Variants in EVI5L observed in about 807,000 individuals in gnomAD.
The protein encoded by EVI5L is EVI5-like protein.
In EVI5L, 30 loss-of-function variants were observed where a neutral mutation model predicts 106.1. That is an observed-to-expected ratio of 0.28 (90% CI 0.21 to 0.38). The LOEUF (loss-of-function observed/expected upper bound fraction) is 0.38. Ranked by LOEUF, EVI5L falls within the 10% of genes least tolerant of loss-of-function variation. EVI5L has a pLI of 1.00. For missense variants in EVI5L, 809 were observed against 1,098.0 expected (o/e 0.74, Z 3.72); for synonymous variants, 489 against 483.3 (o/e 1.01, Z -0.15).
chr19:7,857,173 C>G lies in EVI5L; in HGVS notation c.1233+49C>G, dbSNP rs916985282. On this transcript the variant is annotated intron_variant, in intron 12 of 19. Transcript: ENST00000538904. This position sits in a 1 kb window ranked among gnomAD's most constrained non-coding sequence, Gnocchi z 4.5. Reference sequence around the variant, plus strand: ...TCCGGATTCCTTCCTGGCCCCTTCCCTGCACCCTGCACATGACAGCCAGTA... The same window carrying G: ...TCCGGATTCCTTCCTGGCCCCTTCCGTGCACCCTGCACATGACAGCCAGTA... 1 of 1,547,692 alleles carries G rather than the reference C, an allele frequency of 6.5e-7. No homozygotes were observed. Among genetic ancestry groups the G allele is most frequent in the African/African-American group, 1.4e-5 (1 of 72,958 alleles).
At position 7,848,782 on chromosome 19, in the gene EVI5L, TAA is replaced by T; in HGVS notation, c.328-133_328-132del. The T allele has an allele frequency of 1.3e-6, 1 of 746,228 alleles. No homozygotes were observed. Among genetic ancestry groups the T allele is most frequent in the Non-Finnish European group, 2.1e-6 (1 of 469,752 alleles). 46.2% of individuals were successfully genotyped at this position (746,228 alleles called of 1,614,324 possible). ...AGACCCTGTCTCTGAAAAAAGGGGG[TAA>T]AAAAAGGATTGGGGACCATGAGTTC... is the stretch of plus-strand genomic sequence containing the variant. On this transcript the variant is annotated intron_variant, in intron 3 of 19. Coordinates refer to ENST00000538904, the MANE Select transcript of EVI5L (RefSeq NM_001159944.3). The surrounding 1 kb of genome is among the most constrained non-coding windows in gnomAD (Gnocchi z 4.8).
intron 1 of EVI5L, among the ~76,000 whole-genome samples, 175 bp from the exon 2 acceptor site, chr19:7,846,321 G>A (rs989848131): frequency 2.0e-5 from 3 of 152,182 alleles, no homozygotes; most frequent in Non-Finnish European, 2.9e-5. Flanking sequence ...CCAGGGTCTC[G>A]AACAGAAGGG....
chr19:7,858,296 G>A lies in EVI5L; in HGVS notation c.1339G>A (p.Ala447Thr). 6.5e-7 allele frequency: 1 copy of A among 1,549,754 alleles called. No individual in the cohort carries two copies. Among genetic ancestry groups the A allele is most frequent in the Middle Eastern group, 2.0e-4 (1 of 5,038 alleles). ...CSSAAEDLQK[A>T]QSTIRQLQEQ... ...CTCGGCGGCCGAGGACCTGCAGAAG[G>A]CACAGAGCACCATCCGGCAGCTACA... Residue 447 changes from alanine (A) to threonine (T), a missense_variant, in exon 13 of 20, where the codon GCA (alanine) becomes ACA (threonine). Physicochemically the swap from Ala to Thr is moderately conservative, Grantham distance 58. Around this residue, in one of 2 missense-constraint regions of EVI5L, gnomAD observed 452 missense variants for 509.9 expected, o/e 0.89. Coordinates refer to ENST00000538904, the MANE Select transcript of EVI5L (RefSeq NM_001159944.3). This position sits in a 1 kb window ranked among gnomAD's most constrained non-coding sequence, Gnocchi z 5.7.
At chr19:7,851,353 A>T in intron 6 of EVI5L, 81 bp from the exon 7 acceptor site, 1 of 1,514,948 alleles carries the variant, frequency 6.6e-7, no homozygotes, top group Non-Finnish European at 8.9e-7. Flanking sequence ...GGCTCCCTGG[A>T]GGCGGGGACA....
In EVI5L at chr19:7,863,263, G is replaced by A. The variant is rs1224445589; in HGVS notation, c.2122G>A (p.Glu708Lys). Residue 708 changes from glutamate (E) to lysine (K), a missense_variant, in exon 19 of 20, where the codon GAG becomes AAG. Physicochemically the swap from Glu to Lys is moderately conservative, Grantham distance 56. This residue lies in a region of EVI5L where 452 missense variants were observed against 509.9 expected (regional missense o/e 0.89). Transcript: ENST00000538904. This position sits in a 1 kb window ranked among gnomAD's most constrained non-coding sequence, Gnocchi z 7.7. The stretch of plus-strand genomic sequence containing the variant: ...CATCCGCGAGCTCAAGGACCAGATC[G>A]AGGAGCTGAAGGCCGAGGTGAGCCG... ...QYIRELKDQI[E>K]ELKAEVRLLK... 1 of 1,558,502 alleles carries A rather than the reference G, an allele frequency of 6.4e-7. No homozygotes were observed. The highest frequency in any genetic ancestry group is 1.2e-5 in the South Asian group (1 of 84,602).
At chr19:7,837,201 C>T (rs1291460776) in intron 1 of EVI5L, among the ~76,000 whole-genome samples, 3 of 151,404 alleles carry the variant, frequency 2.0e-5, no homozygotes, top group African/African-American at 7.3e-5. Flanking sequence ...CGTGGTGGTG[C>T]GCACCTGTAA....
chr19:7,862,293 C>T lies in EVI5L; in HGVS notation c.1800+16C>T, dbSNP rs1979844235. On this transcript the variant is annotated intron_variant, in intron 16 of 19. Coordinates refer to ENST00000538904, the MANE Select transcript of EVI5L (RefSeq NM_001159944.3). ...TGAGACGCAGGTGGACTCGGGGGGCCTGCTCGTTGGGGAAGGGGCGTGGTG... is the reference window on the plus strand; with the variant it reads ...TGAGACGCAGGTGGACTCGGGGGGCTTGCTCGTTGGGGAAGGGGCGTGGTG... 6.3e-7 allele frequency: 1 copy of T among 1,583,024 alleles called. No homozygotes were observed. Among genetic ancestry groups the T allele is most frequent in the Non-Finnish European group, 8.6e-7 (1 of 1,164,694 alleles).
Position 7,862,463 on chromosome 19 carries a change from G to A in EVI5L, c.1876G>A (p.Ala626Thr), listed in dbSNP as rs1979860470. ...GCTGCAGGAGAAGCTGCAGTACCTG[G>A]CTGCACAGAACAAGGGGCTGCAGAC... is the stretch of plus-strand genomic sequence containing the variant. Reference protein sequence around the residue: ...AALQEKLQYLAAQNKGLQTQL... With the variant: ...AALQEKLQYLTAQNKGLQTQL... The change falls in exon 17 of 20, where the codon GCT (alanine) becomes ACT (threonine). Residue 626 changes from alanine to threonine, a missense_variant. Around this residue, in one of 2 missense-constraint regions of EVI5L, gnomAD observed 452 missense variants for 509.9 expected, o/e 0.89. Coordinates refer to ENST00000538904, the MANE Select transcript of EVI5L (RefSeq NM_001159944.3). 2 of 1,608,026 alleles carry A rather than the reference G, an allele frequency of 1.2e-6. No individual in the cohort carries two copies. Among genetic ancestry groups the A allele is most frequent in the Admixed American group, 3.4e-5 (2 of 59,258 alleles).
rs767556823 is a variant in EVI5L at position 7,856,077 on chromosome 19, C to T, written c.1200+9C>T. 6 of 1,321,542 alleles carry T rather than the reference C, an allele frequency of 4.5e-6. No individual in the cohort carries two copies. Among genetic ancestry groups the T allele is most frequent in the African/African-American group, 1.5e-5 (1 of 66,532 alleles). 81.9% of individuals were successfully genotyped at this position (1,321,542 alleles called of 1,614,324 possible). A position where few individuals can be genotyped will look rare whatever the true frequency, so the allele number is the denominator to read the frequency against. ...TTGAAACCCTAGAGAAGGTGAGGGG[C>T]GTGGCCACTGTGAGGACATGGTCGC... is the stretch of plus-strand genomic sequence containing the variant. On this transcript the variant is annotated intron_variant, in intron 11 of 19. Transcript: ENST00000538904. The surrounding 1 kb of genome is among the most constrained non-coding windows in gnomAD (Gnocchi z 6.6).
intron 10 of EVI5L, among the ~76,000 whole-genome samples, chr19:7,854,986 CCAAA>C (rs1292087693): frequency 1.3e-5 from 2 of 152,202 alleles, no homozygotes; most frequent in Non-Finnish European, 2.9e-5. Context: ...ACCTGCCAAT[CCAAA>C]CAATTTCTGT....
intron 17 of EVI5L, among the ~76,000 whole-genome samples, chr19:7,862,749 C>CA: frequency 7.9e-6 from 1 of 125,956 alleles, no homozygotes; most frequent in Non-Finnish European, 1.7e-5. Flanking sequence ...CACCCCCCCC[C>CA]GCGGTCCCGC....
At position 7,853,115 on chromosome 19, in the gene EVI5L, C is replaced by T. The variant is rs763926544; in HGVS notation, c.1017C>T (p.Phe339=). 1.2e-5 allele frequency: 20 copies of T among 1,613,800 alleles called. No homozygotes were observed. The highest frequency in any genetic ancestry group is 6.7e-5 in the African/African-American group (5 of 74,932). The change falls in exon 9 of 20, where the codon TTC becomes TTT. Residue 339 remains phenylalanine, a synonymous_variant. Transcript: ENST00000538904. The part of the protein sequence containing the change: ...QYFQRVIPHQ[F]DSCPDKLVLK... Reference sequence around the variant, plus strand: ...TCCAGAGAGTGATCCCCCACCAGTTCGACAGCTGCCCGGACAAGCTGGTCC... The same window carrying T: ...TCCAGAGAGTGATCCCCCACCAGTTTGACAGCTGCCCGGACAAGCTGGTCC...
rs924044736 is a variant in EVI5L, at chr19:7,848,177, G to T, written c.327+256G>T. Among the ~76,000 whole-genome samples, 3 of 152,212 alleles carry T rather than the reference G, an allele frequency of 2.0e-5. No homozygotes were observed. Among genetic ancestry groups the T allele is most frequent in the Non-Finnish European group, 2.9e-5 (2 of 68,040 alleles). ...CCTGTAGTGCCCATGAAGGATGGGG[G>T]TGTGGTGGCTCACGCCTGGAATCTC... On this transcript the variant is annotated intron_variant, in intron 3 of 19. Transcript: ENST00000538904. This position sits in a 1 kb window ranked among gnomAD's most constrained non-coding sequence, Gnocchi z 4.8.
rs143832251 is a variant in EVI5L, at chr19:7,849,985, C to T, written c.628-12C>T. On this transcript the variant is annotated splice_polypyrimidine_tract_variant and intron_variant, in intron 5 of 19. Coordinates refer to ENST00000538904, the MANE Select transcript of EVI5L (RefSeq NM_001159944.3). Reference sequence around the variant, plus strand: ...GCTGCCCTGAGCCCCCCCACCTGCCCGTCCCCCCTAGATGCCTGAGGAGGA... The same window carrying T: ...GCTGCCCTGAGCCCCCCCACCTGCCTGTCCCCCCTAGATGCCTGAGGAGGA... 9,469 of 1,581,404 alleles carry T rather than the reference C, an allele frequency of 6.0e-3. 38 individuals are homozygous for T. The highest frequency in any genetic ancestry group is 7.0e-3 in the Non-Finnish European group (8,160 of 1,163,834).
intron 2 of EVI5L, among the ~76,000 whole-genome samples, chr19:7,847,111 G>A (rs1361293283): frequency 2.0e-5 from 3 of 152,178 alleles, no homozygotes; most frequent in African/African-American, 7.2e-5. Context: ...GGCCAACATG[G>A]TGAAATCCTG....
intron 1 of EVI5L, among the ~76,000 whole-genome samples, chr19:7,833,667 A>G (rs1300524697): frequency 6.6e-6 from 1 of 152,200 alleles, no homozygotes. Context: ...TGGTGCGCTC[A>G]GGGAGGCGTG....
chr19:7,853,005 T>A (rs546678983), intron 8 of EVI5L, 81 bp from the exon 9 acceptor site: 6 of 1,449,488 alleles, frequency 4.1e-6, no homozygotes, highest in African/African-American at 1.4e-5. Flanking sequence ...CCTGCCCCCC[T>A]CCAGGGCAAC....
chr19:7,854,684 G>A (rs1979438169), intron 10 of EVI5L, among the ~76,000 whole-genome samples: 1 of 152,178 alleles, frequency 6.6e-6, no homozygotes, highest in South Asian at 2.1e-4. Flanking sequence ...ATGGGTTGAA[G>A]CCAGAGAGAT....
At chr19:7,844,170 G>A (rs1405478736) in intron 1 of EVI5L, among the ~76,000 whole-genome samples, 1 of 151,684 alleles carries the variant, frequency 6.6e-6, no homozygotes, top group African/African-American at 2.4e-5. Flanking sequence ...GACCAACATG[G>A]TGAAACCCCG....
Sources: gnomAD v4.1 joint callset for allele counts (sites outside exome capture counted in the v4.1 genomes callset) on GRCh38, gnomAD v4.1.1 for gene constraint, gnomAD v4.1.1 regional missense constraint, Gnocchi (gnomAD v3.1) non-coding constraint, MANE v1.5 for transcripts, NCBI Gene and HGNC (gene_info 2026-07-23, HGNC 2026-07-21) for gene names.